Variants in SUGCT observed in about 807,000 individuals in gnomAD.
SUGCT encodes succinyl-CoA:glutarate-CoA transferase.
In SUGCT, 41 loss-of-function variants were observed where a neutral mutation model predicts 55.0. The observed-to-expected ratio is 0.74, with a 90% CI of 0.58 to 0.97. The LOEUF is 0.97. Ranked by LOEUF, SUGCT falls within the 50% of genes least tolerant of loss-of-function variation. SUGCT has a pLI of 0.00. For missense variants in SUGCT, 568 were observed against 547.8 expected, an observed-to-expected ratio of 1.04 and a Z score of -0.37; for synonymous variants, 187 against 200.4, an observed-to-expected ratio of 0.93 and a Z score of 0.56.
At chr7:40,238,246 A>G (rs1444787204) in intron 7 of SUGCT, among the ~76,000 whole-genome samples, 2 of 152,190 alleles carry the variant, frequency 1.3e-5, no homozygotes, top group Non-Finnish European at 2.9e-5. Context: ...TCAGGTTTAA[A>G]TGTATCTAAT....
chr7:40,287,015 G>A (rs1224188014), intron 8 of SUGCT, among the ~76,000 whole-genome samples: 2 of 152,168 alleles, frequency 1.3e-5, no homozygotes, highest in Non-Finnish European at 2.9e-5. Context: ...GGTTGACATG[G>A]CTTCTGGAAA....
chr7:40,393,366 C>T (rs1785545532), intron 9 of SUGCT, among the ~76,000 whole-genome samples: 1 of 152,104 alleles, frequency 6.6e-6, no homozygotes, highest in Non-Finnish European at 1.5e-5. Flanking sequence ...AAAATGTCCA[C>T]TAAATTAGGG....
intron 9 of SUGCT, among the ~76,000 whole-genome samples, chr7:40,340,895 C>T (rs185074570): frequency 6.6e-6 from 1 of 152,188 alleles, no homozygotes; most frequent in Admixed American, 6.5e-5. Context: ...TAGAACTTTC[C>T]ACTGTCATCA....
chr7:40,600,961 G>T (rs1202485327), intron 12 of SUGCT, among the ~76,000 whole-genome samples: 3 of 152,110 alleles, frequency 2.0e-5, no homozygotes, highest in Non-Finnish European at 4.4e-5. Flanking sequence ...GTCAAAACAT[G>T]AAATGTACCA....
chr7:40,296,635 GTGTGTGTGTGTGTGTGT>G (rs1794169647), intron 8 of SUGCT, among the ~76,000 whole-genome samples: 1 of 73,258 alleles, frequency 1.4e-5, no homozygotes, highest in East Asian at 2.4e-4. Flanking sequence ...GTGTGTGTGT[GTGTGTGTGTGTGTGTGT>G]GTAATTAATT....
intron 12 of SUGCT, among the ~76,000 whole-genome samples, chr7:40,662,469 C>CT (rs1194059409): frequency 6.6e-6 from 1 of 152,244 alleles, no homozygotes; most frequent in African/African-American, 2.4e-5. Flanking sequence ...CAGACCCTGC[C>CT]TAGTCCTCTA....
chr7:40,553,545 G>A (rs1234818538), intron 12 of SUGCT, among the ~76,000 whole-genome samples: 1 of 152,122 alleles, frequency 6.6e-6, no homozygotes, highest in Admixed American at 6.5e-5. Context: ...TAATCCATGT[G>A]ATTTCTTTCT....
At chr7:40,978,520 T>C in the SUGCT span, among the ~76,000 whole-genome samples, 1 of 151,922 alleles carries the variant, frequency 6.6e-6, no homozygotes, top group East Asian at 1.9e-4. Context: ...AAAGTCGAAA[T>C]GTGGGACAGT....
chr7:40,822,976 C>CTGA (rs1340376719), intron 13 of SUGCT, among the ~76,000 whole-genome samples: 3 of 152,108 alleles, frequency 2.0e-5, no homozygotes, highest in African/African-American at 7.2e-5. Flanking sequence ...CCTGGGTGTT[C>CTGA]TGATGACTCC....
At chr7:40,144,779 A>T (rs1254769527) in intron 1 of SUGCT, among the ~76,000 whole-genome samples, 1 of 152,136 alleles carries the variant, frequency 6.6e-6, no homozygotes, top group Non-Finnish European at 1.5e-5. Flanking sequence ...TTTAGCACCT[A>T]TTTTTATTAG....
chr7:40,219,370 A>C (rs1242939976), intron 6 of SUGCT, among the ~76,000 whole-genome samples: 1 of 152,242 alleles, frequency 6.6e-6, no homozygotes. Context: ...TAGTAAGTAG[A>C]ATAAAGGGAG....
At chr7:40,703,570 G>T (rs1785264734) in intron 12 of SUGCT, among the ~76,000 whole-genome samples, 1 of 152,200 alleles carries the variant, frequency 6.6e-6, no homozygotes, top group Non-Finnish European at 1.5e-5. Context: ...TGTGGGAAAA[G>T]AGATCCAGTA....
chr7:40,944,918 T>A, the SUGCT span, among the ~76,000 whole-genome samples: 2 of 152,210 alleles, frequency 1.3e-5, no homozygotes, highest in African/African-American at 4.8e-5. Context: ...GGATGATGCC[T>A]AAAAACTGCT....
At chr7:40,910,275 T>C in the SUGCT span, among the ~76,000 whole-genome samples, 56 of 152,000 alleles carry the variant, frequency 3.7e-4, no homozygotes, top group African/African-American at 1.3e-3. Context: ...AGACCAGGTA[T>C]GACAGATGTT....
chr7:40,373,937 C>T (rs1398614672), intron 9 of SUGCT, among the ~76,000 whole-genome samples: 10 of 152,186 alleles, frequency 6.6e-5, no homozygotes, highest in East Asian at 3.9e-4. Flanking sequence ...TTTACTTTGG[C>T]GTCAATTACT....
chr7:40,555,606 C>T (rs962370838), intron 12 of SUGCT, among the ~76,000 whole-genome samples: 2 of 151,974 alleles, frequency 1.3e-5, no homozygotes, highest in Non-Finnish European at 2.9e-5. Context: ...TTACACGTAG[C>T]CTGCTGGACC....
chr7:40,234,632 C>T (rs556650960), intron 6 of SUGCT, among the ~76,000 whole-genome samples: 3 of 152,032 alleles, frequency 2.0e-5, no homozygotes, highest in African/African-American at 4.8e-5. Context: ...TTTATGTGGC[C>T]GGGCGTGGTA....
intron 8 of SUGCT, among the ~76,000 whole-genome samples, chr7:40,283,664 G>C (rs761888319): frequency 1.5e-4 from 23 of 152,178 alleles, no homozygotes; most frequent in Non-Finnish European, 2.5e-4. Context: ...CAGCAAGAGA[G>C]ATAATAACAA....
intron 11 of SUGCT, among the ~76,000 whole-genome samples, chr7:40,483,579 G>A (rs141608015): frequency 6.6e-6 from 1 of 152,000 alleles, no homozygotes; most frequent in African/African-American, 2.4e-5. Flanking sequence ...TATGAAAAAG[G>A]TAATTAAAAG....
Sources: allele counts gnomAD v4.1 joint callset (sites outside exome capture counted in the v4.1 genomes callset), GRCh38; gene constraint gnomAD v4.1.1; transcripts MANE v1.5; gene names NCBI Gene and HGNC (gene_info 2026-07-23, HGNC 2026-07-21).